The following LCLAT1 variants were observed in gnomAD, a reference collection of about 807,000 sequenced individuals.
LCLAT1 encodes the protein 1-AGP acyltransferase 8.
A neutral mutation model predicts 30.7 loss-of-function variants in LCLAT1; 11 were observed. The observed-to-expected ratio is 0.36, with a 90% CI of 0.23 to 0.59. The LOEUF (loss-of-function observed/expected upper bound fraction) is 0.59. Among genes scored for constraint, LCLAT1 ranks in the 20% least tolerant of loss-of-function variants. The pLI, the probability that LCLAT1 is intolerant of heterozygous loss-of-function variation, is 0.77. For missense variants in LCLAT1, 402 were observed against 458.6 expected (o/e 0.88, Z 1.13); for synonymous variants, 155 against 151.3 (o/e 1.02, Z -0.18).
chr2:30,568,864 C>CAAAAAACAAAAAAA (rs1665639424), intron 5 of LCLAT1, among the ~76,000 whole-genome samples: 1 of 89,116 alleles, frequency 1.1e-5, no homozygotes, highest in Non-Finnish European at 2.1e-5. Flanking sequence ...TCATGAATAG[C>CAAAAAACAAAAAAA]AAAAAAAAAA....
At chr2:30,574,923 A>T (rs565217677) in intron 5 of LCLAT1, among the ~76,000 whole-genome samples, 59 of 152,314 alleles carry the variant, frequency 3.9e-4, no homozygotes, top group African/African-American at 1.3e-3. Context: ...GAAAACAATG[A>T]GGAGTATGTG....
chr2:30,608,396 A>G (rs758092187), intron 5 of LCLAT1, among the ~76,000 whole-genome samples: 5 of 152,056 alleles, frequency 3.3e-5, no homozygotes, highest in Non-Finnish European at 5.9e-5. Flanking sequence ...AATTTAGTGT[A>G]GCCTAAGTGT....
intron 3 of LCLAT1, among the ~76,000 whole-genome samples, chr2:30,555,414 T>C (rs1664869899): frequency 6.6e-6 from 1 of 152,174 alleles, no homozygotes; most frequent in South Asian, 2.1e-4. Context: ...CGCAAACTTA[T>C]GGTCAAATCT....
At chr2:30,568,007 C>T in intron 4 of LCLAT1, 53 bp from the exon 5 acceptor site, 21 of 923,750 alleles carry the variant, frequency 2.3e-5, no homozygotes, top group South Asian at 8.1e-5. Flanking sequence ...CTTTCCTTAC[C>T]TTGTTTATTT....
rs143018618 is a variant in LCLAT1, at chr2:30,609,765, A to G, written c.629-30352A>G. Among the ~76,000 whole-genome samples, 606 of 152,172 alleles carry G rather than the reference A, an allele frequency of 4.0e-3. 4 individuals carry two copies. Among genetic ancestry groups the G allele is most frequent in the African/African-American group, 0.011 (437 of 41,536 alleles). On this transcript the variant is annotated intron_variant, in intron 5 of 5. Transcript: ENST00000379509. The stretch of plus-strand genomic sequence containing the variant: ...CACCTCACTTCTCTTAAAATTTTCT[A>G]TTAACTTGTATTCGTTTCCTGTGTT...
intron 1 of LCLAT1, among the ~76,000 whole-genome samples, chr2:30,503,257 C>T (rs573094228): frequency 6.6e-6 from 1 of 152,162 alleles, no homozygotes; most frequent in East Asian, 1.9e-4. Context: ...TTTTTCACTT[C>T]ATCTTGTCTG....
chr2:30,629,083 A>T (rs1167780922), intron 5 of LCLAT1, among the ~76,000 whole-genome samples: 1 of 152,258 alleles, frequency 6.6e-6, no homozygotes, highest in Non-Finnish European at 1.5e-5. Context: ...GCATTTACAG[A>T]GGAGCAAATC....
At chr2:30,543,992 A>G (rs964986092) in intron 3 of LCLAT1, among the ~76,000 whole-genome samples, 11 of 152,184 alleles carry the variant, frequency 7.2e-5, no homozygotes, top group African/African-American at 2.2e-4. Flanking sequence ...AGCTTAAGCT[A>G]TTGATCTAAT....
At chr2:30,456,356 G>A (rs1009132186) in intron 1 of LCLAT1, among the ~76,000 whole-genome samples, 1 of 152,176 alleles carries the variant, frequency 6.6e-6, no homozygotes, top group African/African-American at 2.4e-5. Context: ...CAGGTGGGAG[G>A]AGGAATCCAG....
chr2:30,537,152 C>T (rs1321801494), intron 3 of LCLAT1, among the ~76,000 whole-genome samples: 6 of 152,190 alleles, frequency 3.9e-5, no homozygotes, highest in South Asian at 2.1e-4. Context: ...GAGGCCAAGG[C>T]GGGTGGATCA....
Position 30,562,162 on chromosome 2 carries a change from T to C in LCLAT1, c.381T>C (p.Ala127=), listed in dbSNP as rs776794409. ...TGATTCTAGGTTGGGCCATGCAGGC[T>C]GCTGCCTATATCTTCATTCATAGGA... ...GVPGFGWAMQ[A]AAYIFIHRKW... Residue 127 remains alanine, a synonymous_variant, in exon 4 of 6, where the codon GCT becomes GCC. Coordinates refer to ENST00000379509, the MANE Select transcript of LCLAT1 (RefSeq NM_001002257.3). 2 of 1,611,148 alleles carry C rather than the reference T, an allele frequency of 1.2e-6. No individual in the cohort carries two copies. The highest frequency in any genetic ancestry group is 1.7e-6 in the Non-Finnish European group (2 of 1,177,972).
At chr2:30,448,971 T>C (rs1044420627) in intron 1 of LCLAT1, among the ~76,000 whole-genome samples, 1 of 152,212 alleles carries the variant, frequency 6.6e-6, no homozygotes, top group Non-Finnish European at 1.5e-5. Context: ...TATTTGAAAT[T>C]TATTCCTCTG....
At chr2:30,601,880 G>A (rs137897826) in intron 5 of LCLAT1, among the ~76,000 whole-genome samples, 1 of 142,982 alleles carries the variant, frequency 7.0e-6, no homozygotes, top group African/African-American at 2.5e-5. Context: ...TCTATCTATA[G>A]ATATATATAT....
At chr2:30,520,733 C>G (rs1000435989) in intron 1 of LCLAT1, among the ~76,000 whole-genome samples, 3 of 151,952 alleles carry the variant, frequency 2.0e-5, no homozygotes, top group Admixed American at 1.3e-4. Flanking sequence ...AATTAGAATT[C>G]CCCGTATTAT....
chr2:30,598,071 A>G (rs1311664612), intron 5 of LCLAT1, among the ~76,000 whole-genome samples: 3 of 152,154 alleles, frequency 2.0e-5, no homozygotes, highest in Non-Finnish European at 2.9e-5. Context: ...TTCTGCATCG[A>G]TATTCATCAG....
chr2:30,512,404 T>C (rs752632214), intron 1 of LCLAT1, among the ~76,000 whole-genome samples: 10 of 152,320 alleles, frequency 6.6e-5, no homozygotes, highest in Admixed American at 1.3e-4. Context: ...TTCTTTTCTT[T>C]TGTCTGCCTC....
At position 30,594,684 on chromosome 2, in the gene LCLAT1, C is replaced by A. The variant is rs1313354296; in HGVS notation, c.628+26508C>A. On this transcript the variant is annotated intron_variant, in intron 5 of 5. Transcript: ENST00000379509. Reference sequence around the variant, plus strand: ...TATTATGTGGGAGGGTCTCTTATATCTCAGCACAATGTATAAAATTGTAAT... The same window carrying A: ...TATTATGTGGGAGGGTCTCTTATATATCAGCACAATGTATAAAATTGTAAT... Among the ~76,000 whole-genome samples, 125 of 152,290 alleles carry A rather than the reference C, an allele frequency of 8.2e-4. 1 individual carries two copies. Among genetic ancestry groups the A allele is most frequent in the Non-Finnish European group, 1.5e-5 (1 of 68,028 alleles).
intron 1 of LCLAT1, among the ~76,000 whole-genome samples, chr2:30,513,983 T>A (rs945902858): frequency 6.6e-6 from 1 of 152,240 alleles, no homozygotes; most frequent in African/African-American, 2.4e-5. Context: ...CACGGGTGCC[T>A]GTTCTCAACC....
chr2:30,546,010 A>G (rs1011662742), intron 3 of LCLAT1, among the ~76,000 whole-genome samples: 5 of 152,210 alleles, frequency 3.3e-5, no homozygotes, highest in African/African-American at 9.6e-5. Flanking sequence ...AAATTGTTAT[A>G]TAATTCTGGA....
Sources: gnomAD v4.1 joint callset for allele counts (sites outside exome capture counted in the v4.1 genomes callset) on GRCh38, gnomAD v4.1.1 for gene constraint, MANE v1.5 for transcripts, NCBI Gene and HGNC (gene_info 2026-07-23, HGNC 2026-07-21) for gene names.